Variants in TIAM1 observed in about 807,000 individuals in gnomAD.
TIAM1 encodes TIAM Rac1 associated GEF 1.
In TIAM1, 65 loss-of-function variants were observed where a neutral mutation model predicts 163.5. The ratio of observed to expected loss-of-function variants is 0.40; its 90% CI spans 0.33 to 0.49. The LOEUF (loss-of-function observed/expected upper bound fraction) is 0.49, where lower values mean the gene tolerates loss of function less well. Ranked by LOEUF, TIAM1 falls within the 20% of genes least tolerant of loss-of-function variation. TIAM1 has a pLI of 0.77. For synonymous variants in TIAM1, 833 were observed against 810.1 expected, an observed-to-expected ratio of 1.03 and a Z score of -0.48; for missense variants, 1,789 against 2,044.7, an observed-to-expected ratio of 0.87 and a Z score of 2.41.
chr21:31,175,353 T>C (rs912031302), intron 15 of TIAM1, among the ~76,000 whole-genome samples: 3 of 152,192 alleles, frequency 2.0e-5, no homozygotes, highest in Non-Finnish European at 4.4e-5. Context: ...ACAGCACAGC[T>C]GTATAAACCA....
rs369137807 is a variant in TIAM1, at chr21:31,284,115, ACAGGGTGTT to A, written c.-188-7216_-188-7208del. On this transcript the variant is annotated intron_variant, in intron 2 of 27. Coordinates refer to ENST00000541036, the MANE Select transcript of TIAM1 (RefSeq NM_001353694.2). ...ATTTCACCACACTGTGGCTTAACGT[ACAGGGTGTT>A]CCCTGTGAGAGAACTAGGTAATCTA... Among the ~76,000 whole-genome samples, 328 of 152,328 alleles carry A rather than the reference ACAGGGTGTT, an allele frequency of 2.2e-3. 3 individuals are homozygous for A. Among genetic ancestry groups the A allele is most frequent in the African/African-American group, 7.5e-3 (310 of 41,566 alleles).
At chr21:31,198,143 G>A (rs532461467) in intron 12 of TIAM1, among the ~76,000 whole-genome samples, 7 of 152,310 alleles carry the variant, frequency 4.6e-5, no homozygotes, top group African/African-American at 1.7e-4. Flanking sequence ...GAGAAGTCTT[G>A]ATGATTATCT....
At position 31,210,139 on chromosome 21, in the gene TIAM1, G is replaced by A. The variant is rs769681773; in HGVS notation, c.2294C>T (p.Thr765Ile). The A allele has an allele frequency of 6.2e-7, 1 of 1,614,222 alleles. No individual in the cohort carries two copies. Among genetic ancestry groups the A allele is most frequent in the Non-Finnish European group, 8.5e-7 (1 of 1,180,048 alleles). Residue 765 changes from threonine to isoleucine, a missense_variant, in exon 11 of 28, where the codon ACT becomes ATT. Thr to Ile is a moderately conservative substitution (Grantham distance 89). Around this residue, in one of 5 missense-constraint regions of TIAM1, gnomAD observed 456 missense variants for 586.6 expected, o/e 0.78. Transcript: ENST00000541036. ...DCDIWVHEYF[T>I]PSWFCLPNNQ... The stretch of plus-strand genomic sequence containing the variant: ...ATTGGGCAGACAGAACCAGGATGGA[G>A]TGAAATACTCGTGGACCCAAATGTC...
intron 1 of TIAM1, among the ~76,000 whole-genome samples, chr21:31,506,449 T>C (rs968016664): frequency 6.6e-6 from 1 of 152,166 alleles, no homozygotes; most frequent in Non-Finnish European, 1.5e-5. Flanking sequence ...TCCGAACTCT[T>C]TCCATCTTGC....
At chr21:31,230,870 G>A (rs1400714281) in intron 6 of TIAM1, among the ~76,000 whole-genome samples, 1 of 152,138 alleles carries the variant, frequency 6.6e-6, no homozygotes, top group Non-Finnish European at 1.5e-5. Context: ...GTTTCACCGT[G>A]TTGGCCAGGG....
intron 2 of TIAM1, among the ~76,000 whole-genome samples, chr21:31,421,842 T>TA (rs1260464622): frequency 6.6e-6 from 1 of 151,862 alleles, no homozygotes; most frequent in African/African-American, 2.4e-5. Context: ...AAAAAAAAAT[T>TA]AGTCAGGCAT....
At chr21:31,464,717 C>G (rs138060995) in intron 1 of TIAM1, among the ~76,000 whole-genome samples, 2,650 of 152,092 alleles carry the variant, frequency 0.017, 69 homozygotes, top group African/African-American at 0.059. Context: ...GGGGCATGCA[C>G]CTGTAATCCC....
chr21:31,348,197 C>G (rs1338660852), upstream of TIAM1, among the ~76,000 whole-genome samples: 1 of 152,156 alleles, frequency 6.6e-6, no homozygotes, highest in Non-Finnish European at 1.5e-5. Context: ...CAAGCATTTT[C>G]TGGATTGCTC....
At chr21:31,394,726 T>TCACACACA (rs1166298815) in intron 2 of TIAM1, among the ~76,000 whole-genome samples, 4 of 81,564 alleles carry the variant, frequency 4.9e-5, no homozygotes, top group Admixed American at 1.4e-4. Context: ...TCTCTCTCTC[T>TCACACACA]CTCACACACA....
At chr21:31,240,754 G>A (rs551729288) in intron 6 of TIAM1, among the ~76,000 whole-genome samples, 2 of 152,186 alleles carry the variant, frequency 1.3e-5, no homozygotes, top group South Asian at 2.1e-4. Flanking sequence ...GATAACAGTC[G>A]AACAAATAAG....
chr21:31,252,246 G>A (rs2071854266), intron 4 of TIAM1, 57 bp from the exon 5 acceptor site: 1 of 1,547,438 alleles, frequency 6.5e-7, no homozygotes, highest in South Asian at 1.2e-5. Context: ...AAGGAACCCA[G>A]GGTCACGTGG....
intron 2 of TIAM1, among the ~76,000 whole-genome samples, chr21:31,453,427 C>T (rs1037097349): frequency 5.3e-5 from 8 of 152,106 alleles, no homozygotes; most frequent in African/African-American, 1.9e-4. Flanking sequence ...GGGGGCAGGG[C>T]ATGGTGGCTC....
intron 8 of TIAM1, among the ~76,000 whole-genome samples, chr21:31,220,232 C>T (rs1169813969): frequency 6.6e-6 from 1 of 152,200 alleles, no homozygotes; most frequent in African/African-American, 2.4e-5. Context: ...ATTTCTTACC[C>T]TTCTCTCCCA....
At chr21:31,420,079 A>G (rs2043513159) in intron 2 of TIAM1, among the ~76,000 whole-genome samples, 1 of 152,172 alleles carries the variant, frequency 6.6e-6, no homozygotes, top group Non-Finnish European at 1.5e-5. Context: ...TAAATAAACT[A>G]TATAACATCC....
chr21:31,403,293 G>A (rs1340843553), intron 2 of TIAM1, among the ~76,000 whole-genome samples: 3 of 152,014 alleles, frequency 2.0e-5, no homozygotes, highest in East Asian at 1.9e-4. Context: ...GACTACAGAC[G>A]CGTGCCACCA....
intron 2 of TIAM1, among the ~76,000 whole-genome samples, chr21:31,329,140 G>A (rs898005528): frequency 6.6e-6 from 1 of 152,194 alleles, no homozygotes; most frequent in African/African-American, 2.4e-5. Flanking sequence ...GCAGGGAGGG[G>A]ATGTCCTGGA....
chr21:31,189,808 T>C (rs1377633800), intron 13 of TIAM1, among the ~76,000 whole-genome samples: 1 of 152,058 alleles, frequency 6.6e-6, no homozygotes, highest in Non-Finnish European at 1.5e-5. Flanking sequence ...TGAACAAATA[T>C]AAAGAAAATT....
Position 31,155,225 on chromosome 21 carries a change from C to T in TIAM1, c.2992-799G>A, listed in dbSNP as rs548033429. 9.5e-4 allele frequency among the ~76,000 whole-genome samples: 144 copies of T among 152,324 alleles called. 2 individuals are homozygous for T. The highest frequency in any genetic ancestry group is 1.7e-3 in the South Asian group (8 of 4,830). On this transcript the variant is annotated intron_variant, in intron 16 of 27. Coordinates refer to ENST00000541036, the MANE Select transcript of TIAM1 (RefSeq NM_001353694.2). ...TCTAAAATTCCAACTCTTCCAGTTA[C>T]ACAAACAGTTCTCCAAAGCAAGGGC...
intron 2 of TIAM1, among the ~76,000 whole-genome samples, chr21:31,280,234 T>C (rs2073488221): frequency 6.6e-6 from 1 of 152,214 alleles, no homozygotes; most frequent in Non-Finnish European, 1.5e-5. Flanking sequence ...CCACGTGTCA[T>C]GGGAGGGACC....
Sources: gnomAD v4.1 joint callset for allele counts (sites outside exome capture counted in the v4.1 genomes callset) on GRCh38, gnomAD v4.1.1 for gene constraint, gnomAD v4.1.1 regional missense constraint, MANE v1.5 for transcripts, NCBI Gene and HGNC (gene_info 2026-07-23, HGNC 2026-07-21) for gene names.